TLN2: variants seen among roughly 807,000 people sequenced by gnomAD.
The protein encoded by TLN2 is talin 2.
A neutral mutation model predicts 294.7 loss-of-function variants in TLN2; 118 were observed. That is an observed-to-expected ratio of 0.40 (90% CI 0.34 to 0.47). TLN2 has a LOEUF of 0.47. Among genes scored for constraint, TLN2 ranks in the 20% least tolerant of loss-of-function variants. The pLI is 0.84. For missense variants in TLN2, 3,083 were observed against 3,282.2 expected, an observed-to-expected ratio of 0.94 and a Z score of 1.48; for synonymous variants, 1,431 against 1,304.5, an observed-to-expected ratio of 1.10 and a Z score of -2.09.
chr15:62,809,950 G>A lies in TLN2; in HGVS notation c.6689G>A (p.Ser2230Asn). 6.2e-7 allele frequency: 1 copy of A among 1,614,144 alleles called. No individual in the cohort carries two copies. Among genetic ancestry groups the A allele is most frequent in the African/African-American group, 1.3e-5 (1 of 75,024 alleles). The change falls in exon 52 of 59, where the codon AGT becomes AAT. Residue 2230 changes from serine to asparagine, a missense_variant. Coordinates refer to ENST00000636159, the MANE Select transcript of TLN2 (RefSeq NM_015059.3). Reference protein sequence around the residue: ...CKQASFHPDVSDEVRTRALRF... With the variant: ...CKQASFHPDVNDEVRTRALRF... ...CAAGCATCCTTCCACCCCGATGTCA[G>A]TGACGAGGTGAGAACCAGAGCCTTG... is the stretch of plus-strand genomic sequence containing the variant.
At chr15:62,507,286 A>T (rs974154177) in intron 1 of TLN2, among the ~76,000 whole-genome samples, 26 of 152,242 alleles carry the variant, frequency 1.7e-4, no homozygotes, top group African/African-American at 5.5e-4. Context: ...GTTATCAGTC[A>T]GCACAATTTG....
chr15:62,432,742 C>T (rs1293723271), intron 1 of TLN2, among the ~76,000 whole-genome samples: 3 of 152,160 alleles, frequency 2.0e-5, no homozygotes, highest in Non-Finnish European at 4.4e-5. Context: ...AGTTGTTTTG[C>T]TCCTTCGAGT....
chr15:62,426,403 G>A (rs1325674945), intron 1 of TLN2, among the ~76,000 whole-genome samples: 2 of 152,346 alleles, frequency 1.3e-5, no homozygotes. Flanking sequence ...CTCTAGTCTA[G>A]GAGCCAGGTC....
At chr15:62,725,138 A>G in intron 27 of TLN2, 34 bp downstream of exon 27, 1 of 1,582,004 alleles carries the variant, frequency 6.3e-7, no homozygotes, top group Non-Finnish European at 8.6e-7. Context: ...GTGCGGGTGT[A>G]CCTTTTGTTA....
At chr15:62,437,205 C>T (rs1282849929) in intron 1 of TLN2, among the ~76,000 whole-genome samples, 1 of 152,168 alleles carries the variant, frequency 6.6e-6, no homozygotes, top group African/African-American at 2.4e-5. Flanking sequence ...CTTAGGAGGG[C>T]GTCTCCCATG....
intron 9 of TLN2, among the ~76,000 whole-genome samples, chr15:62,660,748 T>G (rs752144465): frequency 1.3e-5 from 2 of 152,220 alleles, no homozygotes; most frequent in African/African-American, 2.4e-5. Flanking sequence ...CATTGAGAAC[T>G]TGCAGATGTG....
chr15:62,403,217 C>G (rs80150479), intron 1 of TLN2, among the ~76,000 whole-genome samples: 1 of 123,666 alleles, frequency 8.1e-6, no homozygotes, highest in Non-Finnish European at 1.7e-5. Flanking sequence ...GACTCCATCT[C>G]AAAAAAAAAA....
intron 1 of TLN2, among the ~76,000 whole-genome samples, chr15:62,398,016 A>G (rs573407432): frequency 6.6e-6 from 1 of 152,248 alleles, no homozygotes; most frequent in South Asian, 2.1e-4. Context: ...CCTCTCTTCC[A>G]TGGGTCTTGT....
chr15:62,739,272 C>T, intron 30 of TLN2, 76 bp from the exon 31 acceptor site: 1 of 1,495,068 alleles, frequency 6.7e-7, no homozygotes, highest in Middle Eastern at 2.5e-4. Flanking sequence ...GTCTGTCTCC[C>T]TTCCACAATA....
intron 1 of TLN2, among the ~76,000 whole-genome samples, chr15:62,409,216 G>A (rs1346743368): frequency 6.8e-6 from 1 of 147,878 alleles, no homozygotes; most frequent in African/African-American, 2.5e-5. Context: ...CAAGCCTTCC[G>A]CCTGCCTCAG....
chr15:62,701,983 C>A lies in TLN2; in HGVS notation c.1697-9C>A. ...CTCCTTTGATGGGGATGGTTCTTTT[C>A]TGTGCCAGGTGACCCTGCAGACACT... On this transcript the variant is annotated splice_polypyrimidine_tract_variant and intron_variant, in intron 17 of 58. Coordinates refer to ENST00000636159, the MANE Select transcript of TLN2 (RefSeq NM_015059.3). 6.2e-7 allele frequency: 1 copy of A among 1,613,830 alleles called. No homozygotes were observed. The highest frequency in any genetic ancestry group is 8.5e-7 in the Non-Finnish European group (1 of 1,179,980).
intron 1 of TLN2, among the ~76,000 whole-genome samples, chr15:62,436,305 G>A (rs1301939242): frequency 6.6e-6 from 1 of 152,222 alleles, no homozygotes; most frequent in Non-Finnish European, 1.5e-5. Flanking sequence ...AGCATAGCCA[G>A]GCTTCCACTT....
intron 1 of TLN2, among the ~76,000 whole-genome samples, chr15:62,459,582 G>C (rs903628013): frequency 6.6e-6 from 1 of 152,132 alleles, no homozygotes; most frequent in Non-Finnish European, 1.5e-5. Context: ...AGGTGTGCTA[G>C]GCAAGTCAAG....
intron 1 of TLN2, among the ~76,000 whole-genome samples, chr15:62,569,878 A>G (rs1196585114): frequency 6.6e-6 from 1 of 152,246 alleles, no homozygotes; most frequent in Non-Finnish European, 1.5e-5. Context: ...GTTATATTTC[A>G]GGGTTAATAA....
At chr15:62,839,013 TC>T in intron 58 of TLN2, 32 bp downstream of exon 58, 1 of 1,603,866 alleles carries the variant, frequency 6.2e-7, no homozygotes, top group Non-Finnish European at 8.5e-7. Flanking sequence ...AGTATTTACT[TC>T]CCGAGAGAGG....
At chr15:62,489,440 C>A (rs549876082) in intron 1 of TLN2, among the ~76,000 whole-genome samples, 6 of 152,234 alleles carry the variant, frequency 3.9e-5, no homozygotes, top group Admixed American at 3.3e-4. Flanking sequence ...TCTAAGAAAC[C>A]TTCCCTGAAA....
chr15:62,633,231 G>A (rs2050077760), intron 3 of TLN2, among the ~76,000 whole-genome samples: 1 of 152,104 alleles, frequency 6.6e-6, no homozygotes, highest in Non-Finnish European at 1.5e-5. Context: ...TGTGACCTTG[G>A]GCATAATGTA....
chr15:62,733,426 T>G (rs2060837692), intron 28 of TLN2, among the ~76,000 whole-genome samples: 1 of 152,246 alleles, frequency 6.6e-6, no homozygotes, highest in Admixed American at 6.5e-5. Flanking sequence ...TGTGTGGGGT[T>G]TTCAGAAGTT....
rs1555462003 is a variant in TLN2 at position 62,664,875 on chromosome 15, A to AAAAAAAAAAAAAAAAAAAAAG, written c.788+6980_788+6981insAAAAAAAAAAAAAAAAAGAAA. ...ACTGTCTCAAAAAAAAAAAAAAAAA[A>AAAAAAAAAAAAAAAAAAAAAG]AAAGTGGCTACCTAATAAAGAAAGG... On this transcript the variant is annotated intron_variant, in intron 9 of 58. Coordinates refer to ENST00000636159, the MANE Select transcript of TLN2 (RefSeq NM_015059.3). 1.7e-4 allele frequency among the ~76,000 whole-genome samples: 25 copies of AAAAAAAAAAAAAAAAAAAAAG among 146,548 alleles called. 1 individual carries two copies. The highest frequency in any genetic ancestry group is 5.9e-4 in the African/African-American group (22 of 37,522).
Sources: allele counts gnomAD v4.1 joint callset (sites outside exome capture counted in the v4.1 genomes callset), GRCh38; gene constraint gnomAD v4.1.1; transcripts MANE v1.5; gene names NCBI Gene and HGNC (gene_info 2026-07-23, HGNC 2026-07-21).